CELF2: variants seen among roughly 807,000 people sequenced by gnomAD.
CELF2 encodes the protein CUGBP Elav-like family member 2.
A neutral mutation model predicts 62.6 loss-of-function variants in CELF2; 8 were observed. The ratio of observed to expected loss-of-function variants is 0.13; its 90% CI spans 0.07 to 0.23. The LOEUF is 0.23. Among genes scored for constraint, CELF2 ranks in the 10% least tolerant of loss-of-function variants. The pLI, the probability that CELF2 is intolerant of heterozygous loss-of-function variation, is 1.00. For synonymous variants in CELF2, 258 were observed against 250.0 expected, an observed-to-expected ratio of 1.03 and a Z score of -0.30; for missense variants, 333 against 671.0, an observed-to-expected ratio of 0.50 and a Z score of 5.56.
In CELF2 at chr10:10,809,171, TTCTC is replaced by T. The variant is rs374259472; in HGVS notation, c.53+10364_53+10367del. 5.9e-5 allele frequency among the ~76,000 whole-genome samples: 9 copies of T among 151,664 alleles called. No homozygotes were observed. The South Asian group carries it at 8.3e-4, about 14-fold the overall frequency. Reference sequence around the variant, plus strand: ...GCTCACTCGTGCTTGTGCATACTCTTTCTCTCTCTCTCTGCCTCCCTCTTTCTCT... The same window carrying T: ...GCTCACTCGTGCTTGTGCATACTCTTTCTCTCTCTGCCTCCCTCTTTCTCT... On this transcript the variant is annotated intron_variant, in intron 1 of 13. Coordinates refer to the CELF2 transcript ENST00000636488.
Position 10,938,086 on chromosome 10 carries a change from A to C in CELF2, c.89+18087A>C, listed in dbSNP as rs2046621312. On this transcript the variant is annotated intron_variant, in intron 2 of 13. Coordinates refer to the CELF2 transcript ENST00000636488. This position sits in a 1 kb window ranked among gnomAD's most constrained non-coding sequence, Gnocchi z 4.2. Reference sequence around the variant, plus strand: ...AGATATAGAAATCTAATTTGGAATAACTCAAGAGAGATAGAGGGGAGATGG... The same window carrying C: ...AGATATAGAAATCTAATTTGGAATACCTCAAGAGAGATAGAGGGGAGATGG... Among the ~76,000 whole-genome samples, 1 of 152,222 alleles carries C rather than the reference A, an allele frequency of 6.6e-6. No individual in the cohort carries two copies. Among genetic ancestry groups the C allele is most frequent in the South Asian group, 2.1e-4 (1 of 4,832 alleles).
chr10:10,720,127 A>G, the CELF2 span, among the ~76,000 whole-genome samples: 3 of 152,334 alleles, frequency 2.0e-5, no homozygotes, highest in African/African-American at 7.2e-5. Context: ...TTGTCGTCAG[A>G]AGCGCTGGGG....
At chr10:11,167,518 A>G (rs982201671) in intron 2 of CELF2, among the ~76,000 whole-genome samples, 9 of 152,250 alleles carry the variant, frequency 5.9e-5, no homozygotes, top group East Asian at 1.9e-4. Flanking sequence ...GAATACATGT[A>G]TCTTACCTTG....
At chr10:10,733,158 G>A in the CELF2 span, among the ~76,000 whole-genome samples, 67 of 152,044 alleles carry the variant, frequency 4.4e-4, 1 homozygote, top group Middle Eastern at 6.8e-3. Context: ...AGCTAGCTTC[G>A]GCCCCCACAT....
intron 1 of CELF2, among the ~76,000 whole-genome samples, chr10:11,095,204 A>G (rs116813407): frequency 0.01 from 1,583 of 152,290 alleles, 25 homozygotes; most frequent in African/African-American, 0.036. Flanking sequence ...ATGATTGTTA[A>G]CCAGATGCTT....
At chr10:10,729,661 C>A in the CELF2 span, among the ~76,000 whole-genome samples, 1 of 152,046 alleles carries the variant, frequency 6.6e-6, no homozygotes, top group Admixed American at 6.6e-5. Context: ...CACCTGTAGT[C>A]CCAGCTACCT....
chr10:10,664,852 A>G, the CELF2 span, among the ~76,000 whole-genome samples: 3,851 of 152,330 alleles, frequency 0.025, 144 homozygotes, highest in African/African-American at 0.087. Flanking sequence ...AGATTACTGA[A>G]ATAGTTAAGA....
chr10:10,797,888 A>C (rs185741871), upstream of CELF2, among the ~76,000 whole-genome samples: 5 of 152,334 alleles, frequency 3.3e-5, no homozygotes, highest in East Asian at 9.6e-4. Context: ...GTACAGGAAA[A>C]CAATACTGCC....
chr10:11,068,092 T>G (rs1479852205), intron 1 of CELF2, among the ~76,000 whole-genome samples: 1 of 152,218 alleles, frequency 6.6e-6, no homozygotes, highest in Non-Finnish European at 1.5e-5. Context: ...AGTGTGGAGA[T>G]AGAACCAAAT....
At chr10:11,274,002 G>A (rs1448093127) in intron 7 of CELF2, among the ~76,000 whole-genome samples, 2 of 119,404 alleles carry the variant, frequency 1.7e-5, no homozygotes, top group Non-Finnish European at 3.2e-5. Context: ...CCAAAGTCCT[G>A]GGATTACAGA....
At chr10:10,552,005 T>C in the CELF2 span, among the ~76,000 whole-genome samples, 1 of 152,134 alleles carries the variant, frequency 6.6e-6, no homozygotes, top group Non-Finnish European at 1.5e-5. Context: ...AAGTTTCACA[T>C]CTGCAGAGCC....
chr10:10,752,693 A>G, the CELF2 span, among the ~76,000 whole-genome samples: 1 of 145,768 alleles, frequency 6.9e-6, no homozygotes, highest in South Asian at 2.2e-4. Flanking sequence ...CGTCTCAAAA[A>G]AAAAAAAAAA....
At chr10:11,139,337 C>G (rs1172290128) in intron 1 of CELF2, among the ~76,000 whole-genome samples, 1 of 152,106 alleles carries the variant, frequency 6.6e-6, no homozygotes, top group Non-Finnish European at 1.5e-5. Flanking sequence ...AATGAAATTT[C>G]AAGAAACATT....
At chr10:11,131,168 G>A (rs1490364067) in intron 1 of CELF2, among the ~76,000 whole-genome samples, 1 of 152,174 alleles carries the variant, frequency 6.6e-6, no homozygotes, top group African/African-American at 2.4e-5. Flanking sequence ...TAATTGAATT[G>A]GGCGTGATAT....
At chr10:11,096,532 G>A (rs1849041197) in intron 1 of CELF2, 1 of 152,180 alleles carries the variant, frequency 6.6e-6, no homozygotes, top group Non-Finnish European at 1.5e-5. Context: ...AATAAAAGCA[G>A]TTAAGAATCA....
chr10:10,864,949 G>A (rs2060265614), intron 1 of CELF2, among the ~76,000 whole-genome samples: 2 of 152,130 alleles, frequency 1.3e-5, no homozygotes, highest in Non-Finnish European at 2.9e-5. Flanking sequence ...CCCCACATAT[G>A]AAATAAAAGA....
chr10:10,713,756 C>T, the CELF2 span, among the ~76,000 whole-genome samples: 1,504 of 152,204 alleles, frequency 9.9e-3, 24 homozygotes, highest in African/African-American at 0.034. Context: ...GGGGATAGGC[C>T]GGGCACGGTG....
chr10:10,790,727 A>G, the CELF2 span, among the ~76,000 whole-genome samples: 2 of 152,146 alleles, frequency 1.3e-5, no homozygotes, highest in Admixed American at 6.5e-5. Flanking sequence ...GCCTTCTACC[A>G]TGTTCTATGA....
At chr10:11,155,883 T>A (rs1369123308) in intron 1 of CELF2, among the ~76,000 whole-genome samples, 1 of 152,192 alleles carries the variant, frequency 6.6e-6, no homozygotes, top group Admixed American at 6.5e-5. Flanking sequence ...TGATTACACA[T>A]CATTTACGAC....
Sources: allele counts gnomAD v4.1 joint callset (sites outside exome capture counted in the v4.1 genomes callset), GRCh38; gene constraint gnomAD v4.1.1; non-coding constraint Gnocchi (gnomAD v3.1); transcripts MANE v1.5; gene names NCBI Gene and HGNC (gene_info 2026-07-23, HGNC 2026-07-21).